HTR7: variants seen among roughly 807,000 people sequenced by gnomAD.
The protein encoded by HTR7 is 5-HT-7.
A neutral mutation model predicts 34.0 loss-of-function variants in HTR7; 16 were observed. That is an observed-to-expected ratio of 0.47 (90% CI 0.32 to 0.71). HTR7 has a LOEUF of 0.71. HTR7 is among the 30% of genes least tolerant of loss of function. The pLI, the probability that HTR7 is intolerant of heterozygous loss-of-function variation, is 0.04. For missense variants in HTR7, 504 were observed against 625.5 expected, an observed-to-expected ratio of 0.81 and a Z score of 2.07; for synonymous variants, 265 against 260.2, an observed-to-expected ratio of 1.02 and a Z score of -0.18.
At chr10:90,809,951 C>T (rs779872880) in intron 1 of HTR7, among the ~76,000 whole-genome samples, 10 of 152,140 alleles carry the variant, frequency 6.6e-5, no homozygotes, top group East Asian at 1.9e-4. Context: ...CTCCGAGCTT[C>T]GGGTAACCTT....
chr10:90,779,419 G>GTT (rs1845271689), intron 1 of HTR7, among the ~76,000 whole-genome samples: 1 of 152,160 alleles, frequency 6.6e-6, no homozygotes, highest in African/African-American at 2.4e-5. Context: ...CTGACCCTGC[G>GTT]TTTTGCTCCA....
intron 1 of HTR7, among the ~76,000 whole-genome samples, chr10:90,818,498 A>T (rs1296710175): frequency 6.6e-6 from 1 of 152,102 alleles, no homozygotes; most frequent in African/African-American, 2.4e-5. Context: ...GTGAGCCGAG[A>T]TCGCACCATT....
intron 1 of HTR7, among the ~76,000 whole-genome samples, chr10:90,752,007 A>G (rs566492118): frequency 3.9e-5 from 6 of 152,294 alleles, no homozygotes; most frequent in African/African-American, 1.4e-4. Flanking sequence ...TTATATTTCA[A>G]TCATGATTAG....
At chr10:90,849,207 G>A (rs1401641485) in intron 1 of HTR7, among the ~76,000 whole-genome samples, 2 of 152,156 alleles carry the variant, frequency 1.3e-5, no homozygotes, top group African/African-American at 4.8e-5. Flanking sequence ...GGGTCTTAGG[G>A]TGTATGTATT....
intron 1 of HTR7, among the ~76,000 whole-genome samples, chr10:90,799,731 C>T (rs1442330645): frequency 1.3e-5 from 2 of 152,146 alleles, no homozygotes; most frequent in African/African-American, 4.8e-5. Flanking sequence ...GGGTCCCCCA[C>T]CTTTCCATCA....
chr10:90,786,335 T>C (rs78096188), intron 1 of HTR7, among the ~76,000 whole-genome samples: 2,608 of 152,312 alleles, frequency 0.017, 85 homozygotes, highest in African/African-American at 0.058. Flanking sequence ...CTGCTAGGTA[T>C]GTGTTCATGG....
chr10:90,828,256 A>G (rs969086084), intron 1 of HTR7, among the ~76,000 whole-genome samples: 1 of 152,204 alleles, frequency 6.6e-6, no homozygotes, highest in African/African-American at 2.4e-5. Flanking sequence ...CTACATAAAA[A>G]AAGTAGAAAG....
chr10:90,788,628 G>A (rs180750765), intron 1 of HTR7, among the ~76,000 whole-genome samples: 1 of 152,128 alleles, frequency 6.6e-6, no homozygotes, highest in African/African-American at 2.4e-5. Context: ...CAATGTATCA[G>A]TATGACATAA....
chr10:90,820,215 T>G (rs1455670026), intron 1 of HTR7, among the ~76,000 whole-genome samples: 17 of 152,290 alleles, frequency 1.1e-4, no homozygotes, highest in Admixed American at 2.0e-4. Context: ...TGAAAAGAGA[T>G]AAACTGTTCT....
At chr10:90,804,321 C>T (rs574977776) in intron 1 of HTR7, among the ~76,000 whole-genome samples, 2 of 152,132 alleles carry the variant, frequency 1.3e-5, no homozygotes, top group Non-Finnish European at 2.9e-5. Flanking sequence ...AACCTGGGTA[C>T]CAAGAGGGCA....
chr10:90,805,699 T>C (rs1219323774), intron 1 of HTR7, among the ~76,000 whole-genome samples: 1 of 152,186 alleles, frequency 6.6e-6, no homozygotes, highest in Non-Finnish European at 1.5e-5. Context: ...ACCTGACAAA[T>C]GAAAAATCTT....
In HTR7 at chr10:90,796,760, T is replaced by A. The variant is rs1362607583; in HGVS notation, c.540-47166A>T. Among the ~76,000 whole-genome samples, 7 of 152,022 alleles carry A rather than the reference T, an allele frequency of 4.6e-5. 1 individual carries two copies. Among genetic ancestry groups the A allele is most frequent in the Admixed American group, 3.3e-4 (5 of 15,256 alleles). On this transcript the variant is annotated intron_variant, in intron 1 of 3. Coordinates refer to ENST00000336152, the MANE Select transcript of HTR7 (RefSeq NM_019859.4). ...GGCTAGGCTCACGGCTGTAATCCCATCAGTATGGGAGGCCGAGGCAGGCAG... is the reference window on the plus strand; with the variant it reads ...GGCTAGGCTCACGGCTGTAATCCCAACAGTATGGGAGGCCGAGGCAGGCAG...
intron 1 of HTR7, among the ~76,000 whole-genome samples, chr10:90,832,014 G>A (rs898384416): frequency 1.3e-5 from 2 of 152,216 alleles, no homozygotes; most frequent in Non-Finnish European, 2.9e-5. Flanking sequence ...TACAAACCTT[G>A]AGCTAGATAC....
intron 1 of HTR7, among the ~76,000 whole-genome samples, chr10:90,799,800 T>C (rs1006095915): frequency 6.6e-6 from 1 of 152,188 alleles, no homozygotes; most frequent in African/African-American, 2.4e-5. Flanking sequence ...AACATTGTAT[T>C]ATCCCTAGCT....
chr10:90,787,578 C>T lies in HTR7; in HGVS notation c.540-37984G>A, dbSNP rs573880363. On this transcript the variant is annotated intron_variant, in intron 1 of 3. Transcript: ENST00000336152. ...GCTGGTAGCTGTGGGTGGGGATTTA[C>T]GTCAGCTATAGTGCTAAGTGCTTTA... Among the ~76,000 whole-genome samples the T allele has an allele frequency of 2.1e-3, 321 of 152,246 alleles. 1 individual carries two copies. Among genetic ancestry groups the T allele is most frequent in the Middle Eastern group, 0.01 (3 of 294 alleles).
chr10:90,842,866 T>C (rs1589478853), intron 1 of HTR7, among the ~76,000 whole-genome samples: 2 of 152,188 alleles, frequency 1.3e-5, no homozygotes, highest in Admixed American at 6.5e-5. Flanking sequence ...CTAATGTCGG[T>C]GTTCTGCAGA....
intron 1 of HTR7, among the ~76,000 whole-genome samples, chr10:90,823,239 C>G (rs1270255733): frequency 1.3e-5 from 2 of 152,206 alleles, no homozygotes; most frequent in Non-Finnish European, 2.9e-5. Context: ...CCCATAAAAG[C>G]AGCCGAGGGG....
chr10:90,793,418 T>C (rs1845488995), intron 1 of HTR7, among the ~76,000 whole-genome samples: 1 of 150,752 alleles, frequency 6.6e-6, no homozygotes, highest in Admixed American at 6.6e-5. Context: ...AAGAGTTTAA[T>C]ATTGGGAAAT....
intron 1 of HTR7, among the ~76,000 whole-genome samples, chr10:90,831,293 G>T (rs1214671157): frequency 1.3e-5 from 2 of 152,148 alleles, no homozygotes. Context: ...GTTCGGCTGT[G>T]TTCGGAGTTT....
Sources: gnomAD v4.1 joint callset for allele counts (sites outside exome capture counted in the v4.1 genomes callset) on GRCh38, gnomAD v4.1.1 for gene constraint, MANE v1.5 for transcripts, NCBI Gene and HGNC (gene_info 2026-07-23, HGNC 2026-07-21) for gene names.